Variants in PLBD1 observed in about 807,000 individuals in gnomAD.
PLBD1 encodes the protein lysosomal leucine aminopeptidase.
A neutral mutation model predicts 63.0 loss-of-function variants in PLBD1; 60 were observed. The ratio of observed to expected loss-of-function variants is 0.95; its 90% confidence interval spans 0.77 to 1.18. The LOEUF (loss-of-function observed/expected upper bound fraction) is 1.18, where lower values mean the gene tolerates loss of function less well. PLBD1 is among the 50% of genes most tolerant of loss of function. PLBD1 has a pLI of 0.00. For synonymous variants in PLBD1, 262 were observed against 248.0 expected (o/e 1.06, Z -0.53); for missense variants, 598 against 677.9 (o/e 0.88, Z 1.31).
chr12:14,531,879 C>G (rs1945466356), intron 6 of PLBD1, among the ~76,000 whole-genome samples: 1 of 152,164 alleles, frequency 6.6e-6, no homozygotes, highest in African/African-American at 2.4e-5. Flanking sequence ...ATCCGCCCAC[C>G]CTGGCCTCCT....
intron 2 of PLBD1, among the ~76,000 whole-genome samples, chr12:14,543,059 G>A (rs1449350466): frequency 1.0e-5 from 1 of 98,934 alleles, no homozygotes; most frequent in East Asian, 3.1e-4. Flanking sequence ...ATTTTTAATT[G>A]ATTAAAATAA....
At chr12:14,521,830 A>T (rs904299433) in intron 6 of PLBD1, among the ~76,000 whole-genome samples, 2 of 152,198 alleles carry the variant, frequency 1.3e-5, no homozygotes, top group Non-Finnish European at 2.9e-5. Context: ...CTAATTGCAT[A>T]AAAAATTTAA....
In PLBD1 at chr12:14,503,814, A is replaced by G; in HGVS notation, c.1620T>C (p.Asp540=). Residue 540 remains aspartate (D), a synonymous_variant, in exon 11 of 11, where the codon GAT becomes GAC. Coordinates refer to ENST00000240617, the MANE Select transcript of PLBD1 (RefSeq NM_024829.6). Reference sequence around the variant, plus strand: ...TCAAAATTGGTTTCATGGTAATAAAATCAAAGTTGTAGACCTCTGGCATGC... The same window carrying G: ...TCAAAATTGGTTTCATGGTAATAAAGTCAAAGTTGTAGACCTCTGGCATGC... ...HQGMPEVYNF[D]FITMKPILKL... 3 of 1,613,470 alleles carry G rather than the reference A, an allele frequency of 1.9e-6. No homozygotes were observed. Among genetic ancestry groups the G allele is most frequent in the Non-Finnish European group, 2.5e-6 (3 of 1,179,754 alleles).
chr12:14,506,833 A>C, intron 9 of PLBD1, 100 bp downstream of exon 9: 1 of 1,028,350 alleles, frequency 9.7e-7, no homozygotes, highest in East Asian at 2.5e-5. Flanking sequence ...AACTTCTTAT[A>C]ATTCCTTCTA....
At chr12:14,541,037 A>G in intron 3 of PLBD1, 135 bp from the exon 4 acceptor site, 1 of 976,902 alleles carries the variant, frequency 1.0e-6, no homozygotes, top group South Asian at 2.3e-5. Context: ...GTAACACTCC[A>G]GTCACTCAAA....
rs1387730123 is a variant in PLBD1, at chr12:14,535,696, A to G, written c.807T>C (p.Asp269=). The change falls in exon 6 of 11, where the codon GAT becomes GAC. Residue 269 remains aspartate (D), a synonymous_variant. Transcript: ENST00000240617. ...TGAAAGAGAGGCGACTACTGCTGGT[A>G]TCTTTATCTATGACGTTGAAGTCCC... ...KHWDFNVIDK[D]TSSSRLSFSS... 6.2e-7 allele frequency: 1 copy of G among 1,613,880 alleles called. No homozygotes were observed. The highest frequency in any genetic ancestry group is 1.3e-5 in the African/African-American group (1 of 74,926).
chr12:14,557,281 A>G (rs980452922), intron 1 of PLBD1, among the ~76,000 whole-genome samples: 3 of 152,126 alleles, frequency 2.0e-5, no homozygotes, highest in African/African-American at 7.2e-5. Flanking sequence ...AAACAGAAAT[A>G]CCATTCAACC....
chr12:14,543,037 T>TC (rs1452451600), intron 2 of PLBD1, among the ~76,000 whole-genome samples: 10 of 150,534 alleles, frequency 6.6e-5, no homozygotes, highest in African/African-American at 2.0e-4. Context: ...TCTCATATGG[T>TC]GTACAGTTAA....
At position 14,551,888 on chromosome 12, in the gene PLBD1, A is replaced by G. The variant is rs943572491; in HGVS notation, c.335+1305T>C. On this transcript the variant is annotated intron_variant, in intron 2 of 10. Coordinates refer to ENST00000240617, the MANE Select transcript of PLBD1 (RefSeq NM_024829.6). ...AGAAGTTCAGATTTTTACCTGTATAATATGGTTTTAAACATGTTTAAAAAA... is the reference window on the plus strand; with the variant it reads ...AGAAGTTCAGATTTTTACCTGTATAGTATGGTTTTAAACATGTTTAAAAAA... Among the ~76,000 whole-genome samples, 15 of 152,372 alleles carry G rather than the reference A, an allele frequency of 9.8e-5. 1 individual carries two copies. Among genetic ancestry groups the G allele is most frequent in the Admixed American group, 6.5e-4 (10 of 15,304 alleles).
intron 1 of PLBD1, among the ~76,000 whole-genome samples, chr12:14,566,700 A>C (rs1242819557): frequency 6.7e-6 from 1 of 149,968 alleles, no homozygotes; most frequent in African/African-American, 2.5e-5. Flanking sequence ...ACTCTGTCTT[A>C]TTTGCTGTGT....
intron 6 of PLBD1, among the ~76,000 whole-genome samples, chr12:14,512,688 C>T (rs1945307288): frequency 6.6e-6 from 1 of 152,108 alleles, no homozygotes; most frequent in Admixed American, 6.6e-5. Flanking sequence ...ATACTGTCAT[C>T]AGTAACAGTA....
intron 3 of PLBD1, among the ~76,000 whole-genome samples, chr12:14,541,981 G>A (rs1458003622): frequency 6.6e-6 from 1 of 152,174 alleles, no homozygotes; most frequent in African/African-American, 2.4e-5. Context: ...TAGCAATTGA[G>A]TATGCGATAT....
chr12:14,535,775 A>C lies in PLBD1; in HGVS notation c.728T>G (p.Phe243Cys), dbSNP rs1945508389. The C allele has an allele frequency of 1.2e-6, 2 of 1,613,946 alleles. No individual in the cohort carries two copies. Among genetic ancestry groups the C allele is most frequent in the Admixed American group, 3.3e-5 (2 of 59,980 alleles). ...KVLPGFENIL[F>C]AHSSWYTYAA... ...ATACGTGTACCAGCTTGAGTGAGCAAAAAGGATGTTCTCAAATCCAGGAAG... is the reference window on the plus strand; with the variant it reads ...ATACGTGTACCAGCTTGAGTGAGCACAAAGGATGTTCTCAAATCCAGGAAG... The change falls in exon 6 of 11, where the codon TTT (phenylalanine) becomes TGT (cysteine). Residue 243 changes from phenylalanine to cysteine, a missense_variant. Physicochemically the swap from Phe to Cys is radical, Grantham distance 205 (BLOSUM62 -2). Transcript: ENST00000240617.
At chr12:14,556,989 C>CA (rs71038607) in intron 1 of PLBD1, among the ~76,000 whole-genome samples, 36,432 of 76,180 alleles carry the variant, frequency 0.48, 9,571 homozygotes, top group Non-Finnish European at 0.53. Context: ...AATTCCCTCT[C>CA]AAAAAAAAAA....
chr12:14,503,716 T>A lies in PLBD1; in HGVS notation c.*56A>T. 1 of 1,457,532 alleles carries A rather than the reference T, an allele frequency of 6.9e-7. No homozygotes were observed. Among genetic ancestry groups the A allele is most frequent in the Non-Finnish European group, 9.5e-7 (1 of 1,057,152 alleles). The allele number at this position is 1,457,532 out of a possible 1,614,324, so 90.3% of individuals were successfully genotyped here. A position where few individuals can be genotyped will look rare whatever the true frequency, so the allele number is the denominator to read the frequency against. On this transcript the variant is annotated 3_prime_UTR_variant, in exon 11 of 11. Coordinates refer to ENST00000240617, the MANE Select transcript of PLBD1 (RefSeq NM_024829.6). ...ATAATTCTGATGGGAAAAACATAGC[T>A]AAAATAGTGCCTTTGGTATCTTATT...
intron 5 of PLBD1, chr12:14,536,034 G>A (rs751569398): frequency 5.4e-5 from 25 of 465,678 alleles, no homozygotes; most frequent in Non-Finnish European, 8.2e-5. Flanking sequence ...GGTGGCTTAC[G>A]CTCGAAATCC....
chr12:14,551,736 C>T (rs1277812408), intron 2 of PLBD1, among the ~76,000 whole-genome samples: 1 of 152,182 alleles, frequency 6.6e-6, no homozygotes, highest in Non-Finnish European at 1.5e-5. Context: ...CTGTATATGT[C>T]ACTCATGAGT....
At chr12:14,516,328 CAAACAA>C (rs1315564777) in intron 6 of PLBD1, among the ~76,000 whole-genome samples, 1 of 152,172 alleles carries the variant, frequency 6.6e-6, no homozygotes, top group East Asian at 1.9e-4. Flanking sequence ...CACTCCATCT[CAAACAA>C]AAACAAAAAC....
chr12:14,506,208 TC>T lies in PLBD1; in HGVS notation c.1432del (p.Asp478ThrfsTer2). 6.2e-7 allele frequency: 1 copy of T among 1,613,276 alleles called. No individual in the cohort carries two copies. The highest frequency in any genetic ancestry group is 1.3e-5 in the African/African-American group (1 of 75,010). On this transcript the variant is annotated frameshift_variant, in exon 10 of 11. Coordinates refer to ENST00000240617, the MANE Select transcript of PLBD1 (RefSeq NM_024829.6). LOFTEE classifies it high-confidence loss of function. ...AGGACTTGGGTTAGGTGAGTTCAGGTCCTCACGGCAGCAGATGGTATTACAG... is the reference window on the plus strand; with the variant it reads ...AGGACTTGGGTTAGGTGAGTTCAGGTCTCACGGCAGCAGATGGTATTACAG... ...DPCNTICCRE[D>X]LNSPNPSPGG...
Sources: gnomAD v4.1 joint callset for allele counts (sites outside exome capture counted in the v4.1 genomes callset) on GRCh38, gnomAD v4.1.1 for gene constraint, MANE v1.5 for transcripts, NCBI Gene and HGNC (gene_info 2026-07-23, HGNC 2026-07-21) for gene names.